WDR41: variants seen among roughly 807,000 people sequenced by gnomAD.
WDR41 encodes WD repeat domain 41.
A neutral mutation model predicts 69.3 loss-of-function variants in WDR41; 63 were observed. The ratio of observed to expected loss-of-function variants is 0.91; its 90% confidence interval spans 0.74 to 1.12. The LOEUF is 1.12. Among genes scored for constraint, WDR41 ranks in the 50% most tolerant of loss-of-function variants. The probability of loss-of-function intolerance (pLI) is 0.00; values close to 1 mark genes in which losing one functional copy is unlikely to be tolerated. For missense variants in WDR41, 543 were observed against 534.5 expected, an observed-to-expected ratio of 1.02 and a Z score of -0.16; for synonymous variants, 185 against 192.1, an observed-to-expected ratio of 0.96 and a Z score of 0.31.
At position 77,451,312 on chromosome 5, in the gene WDR41, C is replaced by A. The variant is rs745689657; in HGVS notation, c.565G>T (p.Ala189Ser). 6.2e-7 allele frequency: 1 copy of A among 1,613,688 alleles called. No individual in the cohort carries two copies. Among genetic ancestry groups the A allele is most frequent in the South Asian group, 1.1e-5 (1 of 91,040 alleles). ...TCACTCAGTTCTTTGCCAACTGCTG[C>A]CACAACACAGTTCTTAGGTATTTCA... ...LVEIPKNCVV[A>S]AVGKELIIFR... Residue 189 changes from alanine (A) to serine (S), a missense_variant, in exon 7 of 13, where the codon GCA (alanine) becomes TCA (serine). Coordinates refer to ENST00000296679, the MANE Select transcript of WDR41 (RefSeq NM_018268.4).
At chr5:77,581,969 A>C (rs984745380) in intron 1 of WDR41, among the ~76,000 whole-genome samples, 2 of 152,210 alleles carry the variant, frequency 1.3e-5, no homozygotes, top group Non-Finnish European at 2.9e-5. Context: ...CCTGAAGCAA[A>C]AGAAGAAAAT....
At chr5:77,569,161 C>T (rs1361323597) in intron 1 of WDR41, among the ~76,000 whole-genome samples, 1 of 152,084 alleles carries the variant, frequency 6.6e-6, no homozygotes, top group Admixed American at 6.6e-5. Context: ...TCCTACAATA[C>T]TGCAACATTT....
intron 1 of WDR41, among the ~76,000 whole-genome samples, chr5:77,558,738 C>T (rs9688203): frequency 0.14 from 20,915 of 152,202 alleles, 1,725 homozygotes; most frequent in South Asian, 0.25. Context: ...AATTTTCCAG[C>T]ACTTTCTAAT....
At chr5:77,436,158 A>C in intron 12 of WDR41, 103 bp downstream of exon 12, 2 of 1,434,666 alleles carry the variant, frequency 1.4e-6, no homozygotes, top group Non-Finnish European at 1.9e-6. Flanking sequence ...ACACCTACAG[A>C]TATAAGAAAA....
intron 1 of WDR41, among the ~76,000 whole-genome samples, chr5:77,565,450 A>G (rs1044525356): frequency 5.3e-5 from 8 of 151,942 alleles, no homozygotes; most frequent in Non-Finnish European, 8.8e-5. Context: ...CAATTCCTCC[A>G]TTCATTTTCC....
Position 77,492,297 on chromosome 5 carries a change from TC to T in WDR41, c.-78del. ...GCCCCAGGCTCGGCCTCCTCCTTCC[TC>T]CCCGGCTGCAGCGCAACTGAGACGC... On this transcript the variant is annotated 5_prime_UTR_variant, in exon 1 of 13. Coordinates refer to ENST00000296679, the MANE Select transcript of WDR41 (RefSeq NM_018268.4). The T allele has an allele frequency of 1.9e-6, 3 of 1,581,128 alleles. No individual in the cohort carries two copies. Among genetic ancestry groups the T allele is most frequent in the East Asian group, 2.3e-5 (1 of 44,018 alleles).
At chr5:77,577,281 A>G (rs1220644589) in intron 1 of WDR41, among the ~76,000 whole-genome samples, 1 of 152,034 alleles carries the variant, frequency 6.6e-6, no homozygotes, top group Non-Finnish European at 1.5e-5. Context: ...TTCCTACAAA[A>G]CAATATCCCC....
intron 1 of WDR41, among the ~76,000 whole-genome samples, chr5:77,546,739 T>TA (rs1329931660): frequency 2.0e-5 from 3 of 151,970 alleles, no homozygotes; most frequent in Non-Finnish European, 4.4e-5. Flanking sequence ...TTCCACAAGA[T>TA]AGAGAAAGAG....
At chr5:77,436,131 A>G in intron 12 of WDR41, 130 bp downstream of exon 12, 1 of 1,226,170 alleles carries the variant, frequency 8.2e-7, no homozygotes. Flanking sequence ...ATCCCATTCC[A>G]TGTTCAGATC....
chr5:77,440,105 G>T (rs564145680), intron 9 of WDR41, among the ~76,000 whole-genome samples: 29 of 152,034 alleles, frequency 1.9e-4, no homozygotes, highest in African/African-American at 6.8e-4. Flanking sequence ...TAAAAATAAC[G>T]TGCATGCCGT....
In WDR41 at chr5:77,440,957, G is replaced by C; in HGVS notation, c.738C>G (p.Ile246Met). ...TGGTCCAGTCCAGGGCATCCCAGAT[G>C]ATCAGCTCTCCGACGTGGGAGCCGG... ...FVTGSHVGEL[I>M]IWDALDWTMQ... Residue 246 changes from isoleucine (I) to methionine (M), a missense_variant, in exon 9 of 13, where the codon ATC (isoleucine) becomes ATG (methionine). Ile to Met is a conservative substitution (Grantham distance 10). Transcript: ENST00000296679. The C allele has an allele frequency of 6.2e-7, 1 of 1,614,046 alleles. No individual in the cohort carries two copies. The highest frequency in any genetic ancestry group is 2.2e-5 in the East Asian group (1 of 44,872).
intron 2 of WDR41, among the ~76,000 whole-genome samples, chr5:77,479,575 C>G (rs962000234): frequency 1.8e-4 from 27 of 152,026 alleles, no homozygotes; most frequent in East Asian, 3.8e-4. Context: ...AATGGGGAAA[C>G]GATTCCCTAT....
intron 1 of WDR41, among the ~76,000 whole-genome samples, chr5:77,572,135 A>C (rs1743744326): frequency 6.6e-6 from 1 of 152,232 alleles, no homozygotes; most frequent in South Asian, 2.1e-4. Flanking sequence ...GGTTCACTTT[A>C]TAAAAGCTAT....
At position 77,433,245 on chromosome 5, in the gene WDR41, C is replaced by A. The variant is rs146353207; in HGVS notation, c.1270G>T (p.Ala424Ser). Residue 424 changes from alanine to serine, a missense_variant, in exon 13 of 13, where the codon GCT (alanine) becomes TCT (serine). Ala to Ser is a moderately conservative substitution (Grantham distance 99). Transcript: ENST00000296679. ...TTCCACAAAATAATGAGATGATCAG[C>A]GGAGCACGTCACTAGTCCATGATCT... is the stretch of plus-strand genomic sequence containing the variant. Reference protein sequence around the residue: ...FEDHGLVTCSADHLIILWKNG... With the variant: ...FEDHGLVTCSSDHLIILWKNG... The A allele has an allele frequency of 2.3e-5, 37 of 1,613,738 alleles. No homozygotes were observed. The South Asian group carries it at 4.0e-4, about 17-fold the overall frequency.
chr5:77,480,077 T>G (rs1248786366), intron 2 of WDR41: 1 of 151,678 alleles, frequency 6.6e-6, no homozygotes, highest in Non-Finnish European at 1.5e-5. Flanking sequence ...GAAAAAATGC[T>G]CACCATCACT....
chr5:77,580,307 A>G (rs909974690), intron 1 of WDR41, among the ~76,000 whole-genome samples: 1 of 152,190 alleles, frequency 6.6e-6, no homozygotes, highest in Non-Finnish European at 1.5e-5. Flanking sequence ...ATCTCTTCAC[A>G]GGATGGCAGG....
chr5:77,601,954 G>A (rs2112325276), intron 1 of WDR41, among the ~76,000 whole-genome samples: 1 of 152,250 alleles, frequency 6.6e-6, no homozygotes, highest in East Asian at 1.9e-4. Context: ...CCATTTCTAT[G>A]TTCTGGGAAC....
At chr5:77,596,415 C>A (rs1158754407) in intron 1 of WDR41, among the ~76,000 whole-genome samples, 3 of 152,196 alleles carry the variant, frequency 2.0e-5, no homozygotes, top group Non-Finnish European at 2.9e-5. Flanking sequence ...CAGGCATGAG[C>A]CTCCACGCCT....
intron 1 of WDR41, among the ~76,000 whole-genome samples, chr5:77,589,446 CT>C (rs1172447741): frequency 6.6e-6 from 1 of 152,058 alleles, no homozygotes; most frequent in Non-Finnish European, 1.5e-5. Context: ...GGCTTGGATT[CT>C]GATTGGGATT....
Sources: gnomAD v4.1 joint callset for allele counts (sites outside exome capture counted in the v4.1 genomes callset) on GRCh38, gnomAD v4.1.1 for gene constraint, MANE v1.5 for transcripts, NCBI Gene and HGNC (gene_info 2026-07-23, HGNC 2026-07-21) for gene names.